Variants in ELOA observed in about 807,000 individuals in gnomAD.
The protein encoded by ELOA is elongin-A.
Under a neutral mutation model 85.2 loss-of-function variants are expected in ELOA, and 15 were observed. That is an observed-to-expected ratio of 0.18 (90% confidence interval 0.12 to 0.27). ELOA has a LOEUF of 0.27. Among genes scored for constraint, ELOA ranks in the 10% least tolerant of loss-of-function variants. The probability of loss-of-function intolerance (pLI) is 1.00; values close to 1 mark genes in which losing one functional copy is unlikely to be tolerated. For synonymous variants in ELOA, 348 were observed against 357.2 expected (o/e 0.97, Z 0.29); for missense variants, 769 against 952.7 (o/e 0.81, Z 2.54).
In ELOA at chr1:23,758,672, C is replaced by G. The variant is rs1378405125; in HGVS notation, c.2258-840C>G. Among the ~76,000 whole-genome samples, 4 of 150,738 alleles carry G rather than the reference C, an allele frequency of 2.7e-5. No homozygotes were observed. The Admixed American group carries it at 2.7e-4, about 10-fold the overall frequency. ...ATCCCCAGTATCCTAAGGGGATGTC[C>G]TAACTTAAGTCTTATTCTGTATTAA... On this transcript the variant is annotated intron_variant, in intron 10 of 10. Transcript: ENST00000613537.
intron 1 of ELOA, among the ~76,000 whole-genome samples, chr1:23,748,377 T>C (rs1023435578): frequency 2.0e-5 from 3 of 152,216 alleles, no homozygotes; most frequent in African/African-American, 7.2e-5. Flanking sequence ...ACAGCTCTGC[T>C]GTACTGATTT....
chr1:23,748,919 C>T, intron 1 of ELOA, 102 bp from the exon 2 acceptor site: 4 of 874,624 alleles, frequency 4.6e-6, no homozygotes, highest in Non-Finnish European at 7.4e-6. Context: ...AGGCATAATA[C>T]TTATACTCAT....
At chr1:23,748,866 T>C (rs933558503) in intron 1 of ELOA, among the ~76,000 whole-genome samples, 155 bp from the exon 2 acceptor site, 4 of 152,172 alleles carry the variant, frequency 2.6e-5, no homozygotes, top group Admixed American at 6.5e-5. Flanking sequence ...TATGAGCCTA[T>C]TTTCATACTT....
At chr1:23,754,288 A>G in intron 6 of ELOA, 33 bp downstream of exon 6, 1 of 1,614,100 alleles carries the variant, frequency 6.2e-7, no homozygotes, top group Non-Finnish European at 8.5e-7. Context: ...GCTCTCAAGC[A>G]CATTGTAGCA....
Position 23,749,019 on chromosome 1 carries a change from A to G in ELOA, c.76-2A>G. The G allele has an allele frequency of 6.2e-7, 1 of 1,612,414 alleles. No homozygotes were observed. The highest frequency in any genetic ancestry group is 8.5e-7 in the Non-Finnish European group (1 of 1,178,722). On this transcript the variant is annotated splice_acceptor_variant, in intron 1 of 10. Coordinates refer to ENST00000613537, the MANE Select transcript of ELOA (RefSeq NM_003198.3). LOFTEE classifies it high-confidence loss of function. ...TTGAAATTAATGTTTTCTTCTCTGCAGCTATTGAAATATTTGAAGAAACTC... is the reference window on the plus strand; with the variant it reads ...TTGAAATTAATGTTTTCTTCTCTGCGGCTATTGAAATATTTGAAGAAACTC...
chr1:23,749,775 C>G, intron 2 of ELOA, 67 bp from the exon 3 acceptor site: 1 of 1,397,584 alleles, frequency 7.2e-7, no homozygotes, highest in Non-Finnish European at 1.0e-6. Context: ...AGTAGAAAGC[C>G]TTATTTCTTT....
At chr1:23,749,322 T>C (rs1017655869) in intron 2 of ELOA, among the ~76,000 whole-genome samples, 2 of 152,238 alleles carry the variant, frequency 1.3e-5, no homozygotes, top group Admixed American at 1.3e-4. Flanking sequence ...TTTAGGGTAA[T>C]GTAAATGTTC....
In ELOA at chr1:23,754,246, A is replaced by G. The variant is rs1490034391; in HGVS notation, c.1684A>G (p.Asn562Asp). 6.2e-6 allele frequency: 10 copies of G among 1,614,128 alleles called. No homozygotes were observed. The highest frequency in any genetic ancestry group is 8.5e-6 in the Non-Finnish European group (10 of 1,180,044). The change falls in exon 6 of 11, where the codon AAC (asparagine) becomes GAC (aspartate). Residue 562 changes from asparagine (N) to aspartate (D), a missense_variant. Around this residue, in one of 4 missense-constraint regions of ELOA, gnomAD observed 193 missense variants for 278.9 expected, o/e 0.69. Transcript: ENST00000613537. Reference protein sequence around the residue: ...HQQCIRVLKNNIDSIFEVGGV... With the variant: ...HQQCIRVLKNDIDSIFEVGGV... ...GCAATGCATCCGAGTACTTAAAAAC[A>G]ACATCGATTGTAAGTCACACGCTTC...
chr1:23,759,028 A>G (rs57171760), intron 10 of ELOA, among the ~76,000 whole-genome samples: 4,213 of 152,212 alleles, frequency 0.028, 176 homozygotes, highest in African/African-American at 0.095. Context: ...CAACATAGTG[A>G]GACCCTGACT....
At chr1:23,754,565 CAG>C (rs1263474193) in intron 7 of ELOA, 105 bp downstream of exon 7, 2 of 891,282 alleles carry the variant, frequency 2.2e-6, no homozygotes, top group Non-Finnish European at 3.6e-6. Context: ...GATCAGTGGT[CAG>C]AGCATTGTTC....
chr1:23,751,248 A>G lies in ELOA; in HGVS notation c.643A>G (p.Ser215Gly), dbSNP rs1305580445. 6.2e-7 allele frequency: 1 copy of G among 1,614,250 alleles called. No individual in the cohort carries two copies. Among genetic ancestry groups the G allele is most frequent in the African/African-American group, 1.3e-5 (1 of 75,076 alleles). ...ACACCAGAAGCCTGGGAAAGGCCAC[A>G]GCAATGCCTTTCAGGACAGACTCGG... ...VSHQKPGKGH[S>G]NAFQDRLGAS... The change falls in exon 4 of 11, where the codon AGC (serine) becomes GGC (glycine). Residue 215 changes from serine to glycine, a missense_variant. This residue lies in a region of ELOA where 440 missense variants were observed against 474.0 expected (regional missense o/e 0.93). Transcript: ENST00000613537.
intron 2 of ELOA, 60 bp from the exon 3 acceptor site, chr1:23,749,779 TTTC>T: frequency 1.0e-5 from 15 of 1,441,834 alleles, no homozygotes; most frequent in Non-Finnish European, 1.4e-5. Context: ...GAAAGCCTTA[TTTC>T]TTTAGAAAAA....
At chr1:23,757,184 T>A (rs1644798050) in intron 10 of ELOA, 59 bp downstream of exon 10, 1 of 1,481,098 alleles carries the variant, frequency 6.8e-7, no homozygotes, top group Non-Finnish European at 9.0e-7. Context: ...TAACTCTCAA[T>A]GTCATTATTC....
intron 3 of ELOA, 36 bp downstream of exon 3, chr1:23,749,984 T>C: frequency 6.5e-7 from 1 of 1,533,028 alleles, no homozygotes; most frequent in Non-Finnish European, 8.9e-7. Flanking sequence ...TTCAATTTCA[T>C]GGTTAAATTT....
intron 7 of ELOA, among the ~76,000 whole-genome samples, chr1:23,754,905 CTCTT>C (rs1644787728): frequency 6.6e-6 from 1 of 151,236 alleles, no homozygotes; most frequent in Admixed American, 6.6e-5. Flanking sequence ...TCAGCTGTCT[CTCTT>C]TAATTCTGAA....
rs761529812 is a variant in ELOA at position 23,743,509 on chromosome 1, G to A, written c.6G>A (p.Ala2=). 1.5e-5 allele frequency: 22 copies of A among 1,504,814 alleles called. No individual in the cohort carries two copies. The East Asian group carries it at 5.5e-4, about 38-fold the overall frequency. 93.2% of individuals were successfully genotyped at this position (1,504,814 alleles called of 1,614,324 possible). Residue 2 remains alanine (A), a synonymous_variant, in exon 1 of 11, where the codon GCG becomes GCA. Transcript: ENST00000613537. M[A]AESALQVVEK... is the part of the protein sequence containing the mutation. ...AGGCCGCGCCAGTGACAGCGATGGC[G>A]GCGGAGTCGGCGCTCCAAGTTGTGG... is the stretch of plus-strand genomic sequence containing the variant.
intron 1 of ELOA, among the ~76,000 whole-genome samples, chr1:23,747,708 C>G (rs1173503507): frequency 6.6e-6 from 1 of 152,192 alleles, no homozygotes; most frequent in African/African-American, 2.4e-5. Context: ...ATAATTTTCA[C>G]TCATCTATGA....
rs1211905345 is a variant in ELOA at position 23,754,116 on chromosome 1, G to C, written c.1554G>C (p.Gln518His). Reference protein sequence around the residue: ...QPKRKAFSSPQEEEEAGFTGR... With the variant: ...QPKRKAFSSPHEEEEAGFTGR... Reference sequence around the variant, plus strand: ...GCCCTATAGCGTTCTCTTCACCCCAGGAAGAAGAAGAAGCTGGATTTACTG... The same window carrying C: ...GCCCTATAGCGTTCTCTTCACCCCACGAAGAAGAAGAAGCTGGATTTACTG... Residue 518 changes from glutamine (Q) to histidine (H), a missense_variant, in exon 6 of 11, where the codon CAG (glutamine) becomes CAC (histidine). Physicochemically the swap from Gln to His is conservative, Grantham distance 24. Around this residue, in one of 4 missense-constraint regions of ELOA, gnomAD observed 193 missense variants for 278.9 expected, o/e 0.69. Transcript: ENST00000613537. The C allele has an allele frequency of 6.2e-7, 1 of 1,614,046 alleles. No individual in the cohort carries two copies. Among genetic ancestry groups the C allele is most frequent in the African/African-American group, 1.3e-5 (1 of 74,926 alleles).
At chr1:23,757,621 C>T (rs1187553048) in intron 10 of ELOA, among the ~76,000 whole-genome samples, 1 of 152,064 alleles carries the variant, frequency 6.6e-6, no homozygotes, top group Admixed American at 6.6e-5. Context: ...GCCTCAGCCT[C>T]CCAAGTAGCT....
Sources: allele counts gnomAD v4.1 joint callset (sites outside exome capture counted in the v4.1 genomes callset), GRCh38; gene constraint gnomAD v4.1.1; regional missense constraint gnomAD v4.1.1; transcripts MANE v1.5; gene names NCBI Gene and HGNC (gene_info 2026-07-23, HGNC 2026-07-21).